Variants in ZMYM6 observed in about 807,000 individuals in gnomAD.
The protein encoded by ZMYM6 is zinc finger MYM-type containing 6.
Under a neutral mutation model 134.0 loss-of-function variants are expected in ZMYM6, and 90 were observed. That is an observed-to-expected ratio of 0.67 (90% CI 0.57 to 0.80). The LOEUF (loss-of-function observed/expected upper bound fraction) is 0.80, where lower values mean the gene tolerates loss of function less well. ZMYM6 is among the 30% of genes least tolerant of loss of function. ZMYM6 has a pLI of 0.00. For synonymous variants in ZMYM6, 481 were observed against 524.1 expected (o/e 0.92, Z 1.12); for missense variants, 1,362 against 1,533.9 (o/e 0.89, Z 1.87).
At chr1:34,994,629 G>A (rs564184365) in intron 14 of ZMYM6, among the ~76,000 whole-genome samples, 2 of 152,070 alleles carry the variant, frequency 1.3e-5, no homozygotes, top group Admixed American at 6.6e-5. Flanking sequence ...GCCATTGGAG[G>A]TTATATTTAA....
intron 15 of ZMYM6, among the ~76,000 whole-genome samples, chr1:34,991,334 A>G (rs1304393231): frequency 1.3e-5 from 2 of 152,236 alleles, no homozygotes; most frequent in African/African-American, 2.4e-5. Flanking sequence ...TAATAGGAAT[A>G]TAAAATAAAT....
intron 14 of ZMYM6, among the ~76,000 whole-genome samples, chr1:34,995,424 A>G (rs1255135235): frequency 6.6e-6 from 1 of 151,882 alleles, no homozygotes; most frequent in East Asian, 1.9e-4. Flanking sequence ...TTTTTTCTAT[A>G]CATATATACC....
At chr1:35,029,639 G>A (rs1641481456) in intron 2 of ZMYM6, among the ~76,000 whole-genome samples, 1 of 151,936 alleles carries the variant, frequency 6.6e-6, no homozygotes, top group Non-Finnish European at 1.5e-5. Flanking sequence ...GTTCCTGCAG[G>A]TCTTAAAAAG....
In ZMYM6 at chr1:34,988,834, T is replaced by TTA. The variant is rs1359706324; in HGVS notation, c.2246_2247dup (p.Lys750Ter). On this transcript the variant is annotated frameshift_variant, in exon 16 of 16. Transcript: ENST00000357182. LOFTEE classifies it high-confidence loss of function. ...CCAGGACAGATAATAAAACCAACTT[T>TTA]TAAATATTCTGTATCATAAGTCTGG... 1.9e-6 allele frequency: 3 copies of TTA among 1,578,708 alleles called. No individual in the cohort carries two copies. The highest frequency in any genetic ancestry group is 8.6e-7 in the Non-Finnish European group (1 of 1,159,852).
intron 14 of ZMYM6, among the ~76,000 whole-genome samples, chr1:34,998,970 A>G (rs1298358356): frequency 6.6e-6 from 1 of 152,130 alleles, no homozygotes; most frequent in African/African-American, 2.4e-5. Flanking sequence ...AAAAATGTAC[A>G]AAGTTAGCCA....
chr1:35,025,545 T>C (rs1166336151), intron 2 of ZMYM6, among the ~76,000 whole-genome samples: 1 of 145,440 alleles, frequency 6.9e-6, no homozygotes, highest in Non-Finnish European at 1.5e-5. Flanking sequence ...TTGAAGACAA[T>C]TAGGTTTAAA....
intron 2 of ZMYM6, among the ~76,000 whole-genome samples, chr1:35,022,107 A>T (rs968362363): frequency 6.6e-6 from 1 of 152,206 alleles, no homozygotes; most frequent in Non-Finnish European, 1.5e-5. Flanking sequence ...GCATTAATTC[A>T]CCACTTCCCA....
Position 34,988,480 on chromosome 1 carries a change from T to C in ZMYM6, c.2602A>G (p.Ser868Gly). Residue 868 changes from serine to glycine, a missense_variant, in exon 16 of 16, where the codon AGT becomes GGT. Ser to Gly is a moderately conservative substitution (Grantham distance 56). Around this residue, in one of 3 missense-constraint regions of ZMYM6, gnomAD observed 824 missense variants for 940.9 expected, o/e 0.88. Coordinates refer to ENST00000357182, the MANE Select transcript of ZMYM6 (RefSeq NM_007167.4). ...ATAGTTTTCATTTTGTCTCCAGCAC[T>C]TGAACCCAAAACTTCTGAACACATT... ...VEMCSEVLGS[S>G]AGDKMKTIPL... 5 of 1,551,084 alleles carry C rather than the reference T, an allele frequency of 3.2e-6. No individual in the cohort carries two copies. The highest frequency in any genetic ancestry group is 4.4e-6 in the Non-Finnish European group (5 of 1,146,702).
chr1:34,988,887 G>A lies in ZMYM6; in HGVS notation c.2195C>T (p.Pro732Leu). 1 of 1,612,002 alleles carries A rather than the reference G, an allele frequency of 6.2e-7. No individual in the cohort carries two copies. The highest frequency in any genetic ancestry group is 8.5e-7 in the Non-Finnish European group (1 of 1,179,508). The change falls in exon 16 of 16, where the codon CCT becomes CTT. Residue 732 changes from proline (P) to leucine (L), a missense_variant. By Grantham distance (98) the Pro-to-Leu change is moderately conservative. Coordinates refer to ENST00000357182, the MANE Select transcript of ZMYM6 (RefSeq NM_007167.4). ...EKNDAELDSP[P>L]SKKKRLGFFQ... ...AAAACCTAATCTTTTTTTCTTTGAA[G>A]GTGGAGAATCAAGTTCTGCATCATT...
intron 3 of ZMYM6, among the ~76,000 whole-genome samples, chr1:35,019,944 A>G (rs1032310522): frequency 1.3e-5 from 2 of 152,158 alleles, no homozygotes; most frequent in African/African-American, 4.8e-5. Context: ...TGCTGAGATT[A>G]CAGGTGTTAG....
chr1:34,987,576 A>G lies in ZMYM6; in HGVS notation c.3506T>C (p.Phe1169Ser). 1.2e-6 allele frequency: 2 copies of G among 1,613,846 alleles called. No homozygotes were observed. The highest frequency in any genetic ancestry group is 1.7e-6 in the Non-Finnish European group (2 of 1,179,868). Residue 1169 changes from phenylalanine (F) to serine (S), a missense_variant, in exon 16 of 16, where the codon TTT becomes TCT. This residue lies in a region of ZMYM6 where 824 missense variants were observed against 940.9 expected (regional missense o/e 0.88). Transcript: ENST00000357182. Reference protein sequence around the residue: ...QENDYDMFPSFSEFSNSSGLN... With the variant: ...QENDYDMFPSSSEFSNSSGLN... ...GCCTGATGAATTTGAGAATTCAGAA[A>G]ATGAAGGGAACATGTCATAATCATT... is the stretch of plus-strand genomic sequence containing the variant.
chr1:35,009,357 G>C (rs1172249861), intron 10 of ZMYM6, among the ~76,000 whole-genome samples: 1 of 152,122 alleles, frequency 6.6e-6, no homozygotes, highest in East Asian at 1.9e-4. Context: ...GGCTCGCCTT[G>C]GCCTCCCAAA....
intron 4 of ZMYM6, among the ~76,000 whole-genome samples, chr1:35,016,755 G>A (rs78552262): frequency 0.035 from 5,386 of 152,190 alleles, 340 homozygotes; most frequent in African/African-American, 0.12. Flanking sequence ...AGGATTGCTT[G>A]AGCCCAGGGA....
chr1:35,025,489 G>C (rs929258607), intron 2 of ZMYM6, among the ~76,000 whole-genome samples: 1 of 106,464 alleles, frequency 9.4e-6, no homozygotes, highest in African/African-American at 3.8e-5. Context: ...AAAAAAAAAA[G>C]AAAGAAAAAA....
intron 14 of ZMYM6, among the ~76,000 whole-genome samples, chr1:34,994,672 A>C (rs1640743778): frequency 6.6e-6 from 1 of 152,150 alleles, no homozygotes; most frequent in Admixed American, 6.5e-5. Flanking sequence ...ACATGAACTC[A>C]GTGCAAAATT....
chr1:34,997,669 T>C (rs913966896), intron 14 of ZMYM6, among the ~76,000 whole-genome samples: 3 of 152,198 alleles, frequency 2.0e-5, no homozygotes, highest in Admixed American at 2.0e-4. Context: ...TGTAACCTTT[T>C]CATTTTGTCA....
rs767488208 is a variant in ZMYM6, at chr1:35,006,989, T to C, written c.1775A>G (p.His592Arg). 2 of 1,610,802 alleles carry C rather than the reference T, an allele frequency of 1.2e-6. No individual in the cohort carries two copies. The highest frequency in any genetic ancestry group is 2.7e-5 in the African/African-American group (2 of 74,824). The change falls in exon 12 of 16, where the codon CAT (histidine) becomes CGT (arginine). Residue 592 changes from histidine to arginine, a missense_variant. Physicochemically the swap from His to Arg is conservative, Grantham distance 29 (BLOSUM62 0). This residue lies in a region of ZMYM6 where 824 missense variants were observed against 940.9 expected (regional missense o/e 0.88). Coordinates refer to ENST00000357182, the MANE Select transcript of ZMYM6 (RefSeq NM_007167.4). ...CNLFCVLEFC[H>R]QQIMNDCLPQ... ...AAGACAGTCATTCATAATTTGCTGA[T>C]GACAAAACTCCAAGACACAAAATAG...
At chr1:35,025,822 G>A (rs1343110467) in intron 2 of ZMYM6, among the ~76,000 whole-genome samples, 9 of 152,188 alleles carry the variant, frequency 5.9e-5, no homozygotes, top group East Asian at 5.8e-4. Flanking sequence ...GACTTTTAAC[G>A]GGTTACTATC....
chr1:35,021,316 T>G (rs1217839216), intron 2 of ZMYM6, among the ~76,000 whole-genome samples: 1 of 151,774 alleles, frequency 6.6e-6, no homozygotes, highest in Admixed American at 6.6e-5. Context: ...AATTTTTGTG[T>G]TTTTTTCCAG....
Sources: gnomAD v4.1 joint callset for allele counts (sites outside exome capture counted in the v4.1 genomes callset) on GRCh38, gnomAD v4.1.1 for gene constraint, gnomAD v4.1.1 regional missense constraint, MANE v1.5 for transcripts, NCBI Gene and HGNC (gene_info 2026-07-23, HGNC 2026-07-21) for gene names.